The following TSHZ1 variants were observed in gnomAD, a reference collection of about 807,000 sequenced individuals.
TSHZ1 encodes teashirt zinc finger homeobox 1.
TSHZ1 carries 12 observed loss-of-function variants against 67.1 expected under a neutral mutation model. That is an observed-to-expected ratio of 0.18 (90% CI 0.11 to 0.29). TSHZ1 has a LOEUF of 0.29. Among genes scored for constraint, TSHZ1 ranks in the 10% least tolerant of loss-of-function variants. The pLI, the probability that TSHZ1 is intolerant of heterozygous loss-of-function variation, is 1.00. For synonymous variants in TSHZ1, 632 were observed against 622.4 expected (o/e 1.02, Z -0.23); for missense variants, 1,305 against 1,413.9 (o/e 0.92, Z 1.23).
At chr18:75,245,982 C>T (rs1224571206) in intron 1 of TSHZ1, among the ~76,000 whole-genome samples, 2 of 152,162 alleles carry the variant, frequency 1.3e-5, no homozygotes, top group Non-Finnish European at 2.9e-5. Flanking sequence ...TGCTCTGAAT[C>T]AAATAAGTGC....
At chr18:75,280,303 T>C (rs1250343874) in intron 1 of TSHZ1, among the ~76,000 whole-genome samples, 1 of 152,240 alleles carries the variant, frequency 6.6e-6, no homozygotes, top group Non-Finnish European at 1.5e-5. Flanking sequence ...CTTCTTAGGC[T>C]AACTTCAAAA....
At chr18:75,237,791 C>CTTTCATTT (rs150217532) in intron 1 of TSHZ1, among the ~76,000 whole-genome samples, 37 of 143,570 alleles carry the variant, frequency 2.6e-4, no homozygotes, top group African/African-American at 7.6e-4. Flanking sequence ...TTCTTTCTTT[C>CTTTCATTT]ATTTATTTAT....
chr18:75,278,137 C>T (rs1016490075), intron 1 of TSHZ1, among the ~76,000 whole-genome samples: 4 of 152,078 alleles, frequency 2.6e-5, no homozygotes, highest in Non-Finnish European at 5.9e-5. Context: ...GTGTCAGTCC[C>T]ACCCCAGTTT....
At chr18:75,250,572 T>C (rs1214983626) in intron 1 of TSHZ1, among the ~76,000 whole-genome samples, 1 of 151,834 alleles carries the variant, frequency 6.6e-6, no homozygotes, top group Non-Finnish European at 1.5e-5. Context: ...CGGTAGAGGG[T>C]CGGCTCAGCC....
At chr18:75,240,366 C>CTTT (rs33927076) in intron 1 of TSHZ1, among the ~76,000 whole-genome samples, 28 of 142,814 alleles carry the variant, frequency 2.0e-4, no homozygotes, top group African/African-American at 6.9e-4. Context: ...GGCATTGCTC[C>CTTT]TTTTTTTTTT....
At chr18:75,270,656 A>G (rs755573049) in intron 1 of TSHZ1, among the ~76,000 whole-genome samples, 1 of 152,206 alleles carries the variant, frequency 6.6e-6, no homozygotes, top group South Asian at 2.1e-4. Context: ...CCCTTTCTAC[A>G]GAGAGTATAT....
chr18:75,250,601 T>C (rs1424474903), intron 1 of TSHZ1, among the ~76,000 whole-genome samples: 1 of 152,182 alleles, frequency 6.6e-6, no homozygotes, highest in Non-Finnish European at 1.5e-5. Flanking sequence ...TGGCAGCACC[T>C]GCATGAGGTC....
Position 75,287,854 on chromosome 18 carries a change from A to G in TSHZ1, c.2447A>G (p.Lys816Arg), listed in dbSNP as rs1191585448. ...CAGCCCATTGACTTAACCAAGTCCAAGAACAAGCCGCTGGTGTCCAGCGTG... is the reference window on the plus strand; with the variant it reads ...CAGCCCATTGACTTAACCAAGTCCAGGAACAAGCCGCTGGTGTCCAGCGTG... ...SDQPIDLTKS[K>R]NKPLVSSVAD... Residue 816 changes from lysine to arginine, a missense_variant, in exon 2 of 2, where the codon AAG (lysine) becomes AGG (arginine). By Grantham distance (26) the Lys-to-Arg change is conservative. Transcript: ENST00000580243. This position sits in a 1 kb window ranked among gnomAD's most constrained non-coding sequence, Gnocchi z 5.0. 8 of 1,614,200 alleles carry G rather than the reference A, an allele frequency of 5.0e-6. No homozygotes were observed. In the South Asian group the frequency reaches 8.8e-5, roughly 18 times the overall value.
At chr18:75,282,297 A>G (rs1483597239) in intron 1 of TSHZ1, among the ~76,000 whole-genome samples, 2 of 152,192 alleles carry the variant, frequency 1.3e-5, no homozygotes, top group African/African-American at 4.8e-5. Context: ...ATGCCGGGCC[A>G]GGCCCTGAGA....
chr18:75,239,189 G>A (rs906182559), intron 1 of TSHZ1, among the ~76,000 whole-genome samples: 1 of 152,250 alleles, frequency 6.6e-6, no homozygotes. Flanking sequence ...CAGGCCAGGG[G>A]CCCTGAGGCT....
Position 75,222,101 on chromosome 18 carries a change from C to T in TSHZ1, c.40+10185C>T, listed in dbSNP as rs563424437. 1.3e-4 allele frequency among the ~76,000 whole-genome samples: 20 copies of T among 152,104 alleles called. No homozygotes were observed. In the South Asian group the frequency reaches 1.7e-3, roughly 13 times the overall value. On this transcript the variant is annotated intron_variant, in intron 1 of 1. Transcript: ENST00000580243. ...ATTCTTAATGAAAATAGCGCACTGG[C>T]GGTTTTAAAAGGAAGCCGCGCACAA...
chr18:75,239,090 C>T (rs903594187), intron 1 of TSHZ1, among the ~76,000 whole-genome samples: 5 of 152,216 alleles, frequency 3.3e-5, no homozygotes, highest in African/African-American at 4.8e-5. Flanking sequence ...GTAAACTTCC[C>T]CTGGCCAGGA....
chr18:75,230,792 A>G (rs2022988236), intron 1 of TSHZ1, among the ~76,000 whole-genome samples: 1 of 152,184 alleles, frequency 6.6e-6, no homozygotes, highest in Admixed American at 6.5e-5. Flanking sequence ...TACAAGACAA[A>G]TAAGAACAAA....
At chr18:75,247,816 C>T (rs914699328) in intron 1 of TSHZ1, among the ~76,000 whole-genome samples, 5 of 150,974 alleles carry the variant, frequency 3.3e-5, no homozygotes, top group Admixed American at 6.6e-5. Context: ...GTGACCTTAT[C>T]ATTAAATATA....
chr18:75,215,062 A>G (rs1029262985), intron 1 of TSHZ1, among the ~76,000 whole-genome samples: 1 of 151,778 alleles, frequency 6.6e-6, no homozygotes, highest in African/African-American at 2.4e-5. Flanking sequence ...CCTGGCTTTG[A>G]ACTGTGCAAT....
intron 1 of TSHZ1, among the ~76,000 whole-genome samples, chr18:75,229,692 G>A (rs1211645693): frequency 1.3e-5 from 2 of 152,246 alleles, no homozygotes; most frequent in African/African-American, 4.8e-5. Flanking sequence ...GGGTGCTGGC[G>A]ATAGTAGGTG....
Position 75,288,527 on chromosome 18 carries a change from G to A in TSHZ1, c.3120G>A (p.Lys1040=), listed in dbSNP as rs754826608. 6.8e-6 allele frequency: 11 copies of A among 1,614,116 alleles called. No homozygotes were observed. The South Asian group carries it at 9.9e-5, about 14-fold the overall frequency. Residue 1040 remains lysine, a synonymous_variant, in exon 2 of 2, where the codon AAG becomes AAA. Coordinates refer to ENST00000580243, the MANE Select transcript of TSHZ1 (RefSeq NM_001308210.2). The surrounding 1 kb of genome is among the most constrained non-coding windows in gnomAD (Gnocchi z 4.9). ...ACTTGGGCTCCACATTCCAATGTAA[G>A]CTCTGCAACCGGACTTTTGCGAGCA... ...EEDLGSTFQC[K]LCNRTFASKH... is the part of the protein sequence containing the mutation.
intron 1 of TSHZ1, among the ~76,000 whole-genome samples, chr18:75,227,003 C>G (rs1300118749): frequency 6.6e-6 from 1 of 152,190 alleles, no homozygotes; most frequent in Admixed American, 6.5e-5. Flanking sequence ...CAGGAACACA[C>G]AAGCCCCCGG....
intron 1 of TSHZ1, among the ~76,000 whole-genome samples, chr18:75,237,780 CTTCT>C (rs142976744): frequency 0.12 from 14,378 of 123,572 alleles, 878 homozygotes; most frequent in East Asian, 0.29. Flanking sequence ...AGACTGAAGC[CTTCT>C]TTCTTTCATT....
Sources: allele counts gnomAD v4.1 joint callset (sites outside exome capture counted in the v4.1 genomes callset), GRCh38; gene constraint gnomAD v4.1.1; non-coding constraint Gnocchi (gnomAD v3.1); transcripts MANE v1.5; gene names NCBI Gene and HGNC (gene_info 2026-07-23, HGNC 2026-07-21).